The following SDHD variants were observed in gnomAD, a reference collection of about 807,000 sequenced individuals.
SDHD encodes succinate dehydrogenase [ubiquinone] cytochrome b small subunit, mitochondrial.
In SDHD, 6 loss-of-function variants were observed where a neutral mutation model predicts 18.7. That is an observed-to-expected ratio of 0.32 (90% CI 0.18 to 0.63). The LOEUF (loss-of-function observed/expected upper bound fraction) is 0.63, where lower values mean the gene tolerates loss of function less well. SDHD is among the 30% of genes least tolerant of loss of function. The probability of loss-of-function intolerance (pLI) is 0.79; values close to 1 mark genes in which losing one functional copy is unlikely to be tolerated. For missense variants in SDHD, 160 were observed against 192.7 expected (o/e 0.83, Z 1.00); for synonymous variants, 56 against 73.9 (o/e 0.76, Z 1.24).
chr11:112,089,879 T>G (rs1730210692), intron 3 of SDHD, among the ~76,000 whole-genome samples: 1 of 152,138 alleles, frequency 6.6e-6, no homozygotes, highest in Non-Finnish European at 1.5e-5. Context: ...TATATAGTAA[T>G]TGCTTCCTTG....
At chr11:112,089,197 C>T (rs901920373) in intron 3 of SDHD, 186 bp downstream of exon 3, 4 of 632,382 alleles carry the variant, frequency 6.3e-6, no homozygotes, top group African/African-American at 5.5e-5. Context: ...TCTTTCAATT[C>T]GATTTCCGTA....
intron 3 of SDHD, among the ~76,000 whole-genome samples, chr11:112,090,023 T>C (rs1865714591): frequency 6.6e-6 from 1 of 152,196 alleles, no homozygotes; most frequent in Non-Finnish European, 1.5e-5. Flanking sequence ...CTCTAGAGCC[T>C]AGAACTACTC....
intron 1 of SDHD, among the ~76,000 whole-genome samples, chr11:112,087,359 C>G (rs1865633481): frequency 6.6e-6 from 1 of 152,008 alleles, no homozygotes; most frequent in Admixed American, 6.6e-5. Flanking sequence ...GGGATCAGTT[C>G]GAAAATCATT....
chr11:112,093,839 A>G (rs1055283151), intron 3 of SDHD, among the ~76,000 whole-genome samples: 7 of 152,096 alleles, frequency 4.6e-5, no homozygotes, highest in African/African-American at 1.7e-4. Context: ...CTTCCTTTCT[A>G]AAGTGTTTCT....
chr11:112,087,133 C>T (rs1409410476), intron 1 of SDHD, among the ~76,000 whole-genome samples, 174 bp downstream of exon 1: 4 of 152,194 alleles, frequency 2.6e-5, no homozygotes, highest in Non-Finnish European at 5.9e-5. Context: ...GTATATTTCA[C>T]TTGCTGTGAG....
rs1816488984 is a variant in SDHD, at chr11:112,095,707, A to G, written c.*737A>G. 1 of 218,572 alleles carries G rather than the reference A, an allele frequency of 4.6e-6. No individual in the cohort carries two copies. Among genetic ancestry groups the G allele is most frequent in the African/African-American group, 2.2e-5 (1 of 44,566 alleles). 13.5% of individuals were successfully genotyped at this position (218,572 alleles called of 1,614,324 possible). On this transcript the variant is annotated 3_prime_UTR_variant, in exon 4 of 4. Transcript: ENST00000375549. ...AGTAATAAATTGTTATTTTCGCACA[A>G]TGGGAATCTCTAATGTGAAAATGTA...
chr11:112,094,273 C>T (rs1865799534), intron 3 of SDHD, among the ~76,000 whole-genome samples: 1 of 152,066 alleles, frequency 6.6e-6, no homozygotes, highest in South Asian at 2.1e-4. Flanking sequence ...TGGTGGGCGC[C>T]TGTAGTCCCA....
In SDHD at chr11:112,088,059, C is replaced by A. The variant is rs1030985203; in HGVS notation, c.169+86C>A. 4 of 931,354 alleles carry A rather than the reference C, an allele frequency of 4.3e-6. No individual in the cohort carries two copies. The African/African-American group carries it at 6.5e-5, about 15-fold the overall frequency. 57.7% of individuals were successfully genotyped at this position (931,354 alleles called of 1,614,324 possible). A position where few individuals can be genotyped will look rare whatever the true frequency, so the allele number is the denominator to read the frequency against. On this transcript the variant is annotated intron_variant, in intron 2 of 3. Transcript: ENST00000375549. ...TCATGCCTTTAGCAGGACTTCCTAC[C>A]TGTAGGGGGGACTCTTGTGTCCAAC...
At chr11:112,092,023 G>C (rs934864206) in intron 3 of SDHD, among the ~76,000 whole-genome samples, 2 of 152,146 alleles carry the variant, frequency 1.3e-5, no homozygotes, top group African/African-American at 2.4e-5. Context: ...AGCCAAGATC[G>C]TGCCACTGCA....
chr11:112,089,434 G>A (rs765533630), intron 3 of SDHD, among the ~76,000 whole-genome samples: 5 of 152,166 alleles, frequency 3.3e-5, no homozygotes, highest in Non-Finnish European at 5.9e-5. Flanking sequence ...CAGTGATCCT[G>A]TTAAAATGTT....
chr11:112,093,324 C>T (rs1376984205), intron 3 of SDHD: 2 of 207,928 alleles, frequency 9.6e-6, no homozygotes, highest in African/African-American at 2.4e-5. Flanking sequence ...CTTCACCCAC[C>T]CAAAGTGCTG....
rs750080041 is a variant in SDHD, at chr11:112,086,945, C to T, written c.38C>T (p.Ala13Val). The T allele has an allele frequency of 1.1e-5, 18 of 1,614,006 alleles. 1 individual carries two copies. In the South Asian group the frequency reaches 2.0e-4, roughly 18 times the overall value. Residue 13 changes from alanine to valine, a missense_variant, in exon 1 of 4, where the codon GCC (alanine) becomes GTC (valine). By Grantham distance (64) the Ala-to-Val change is moderately conservative (BLOSUM62 0). Coordinates refer to ENST00000375549, the MANE Select transcript of SDHD (RefSeq NM_003002.4). ...TGGAGGCTGAGTGCCGTTTGCGGTG[C>T]CCTAGGAGGCCGAGGTGAGGGGTCT... is the stretch of plus-strand genomic sequence containing the variant. ...VLWRLSAVCG[A>V]LGGRALLLRT...
At chr11:112,088,638 A>G in intron 2 of SDHD, 2 of 594,130 alleles carry the variant, frequency 3.4e-6, no homozygotes. Context: ...ATCAATATGT[A>G]GGCATTGAGA....
At chr11:112,090,983 A>T (rs963442922) in intron 3 of SDHD, 6 of 418,798 alleles carry the variant, frequency 1.4e-5, no homozygotes, top group African/African-American at 1.3e-4. Context: ...GGTGTGAACC[A>T]CCGTGCCCAG....
At chr11:112,094,330 G>A (rs979343422) in intron 3 of SDHD, among the ~76,000 whole-genome samples, 5 of 151,812 alleles carry the variant, frequency 3.3e-5, no homozygotes, top group African/African-American at 4.8e-5. Context: ...CCCGGGAGGC[G>A]GAGGTTGTAG....
intron 3 of SDHD, among the ~76,000 whole-genome samples, chr11:112,091,832 G>A (rs1260012215): frequency 6.6e-6 from 1 of 152,232 alleles, no homozygotes; most frequent in African/African-American, 2.4e-5. Flanking sequence ...ACTTTGGGAG[G>A]CCGAGGCGGG....
intron 3 of SDHD, 141 bp downstream of exon 3, chr11:112,089,152 T>G: frequency 1.3e-6 from 1 of 788,796 alleles, no homozygotes; most frequent in Admixed American, 2.5e-5. Context: ...AATATGTATA[T>G]GCCTAGATTT....
chr11:112,093,202 C>T, intron 3 of SDHD: 1 of 335,170 alleles, frequency 3.0e-6, no homozygotes, highest in Non-Finnish European at 5.9e-6. Flanking sequence ...AAGTAGCTGG[C>T]ATTACAGGCA....
intron 2 of SDHD, 110 bp downstream of exon 2, chr11:112,088,083 A>C (rs535806270): frequency 1.2e-6 from 1 of 821,736 alleles, no homozygotes; most frequent in East Asian, 2.4e-5. Flanking sequence ...CTTGTGTCCA[A>C]CTTTGTCAAA....
Sources: gnomAD v4.1 joint callset for allele counts (sites outside exome capture counted in the v4.1 genomes callset) on GRCh38, gnomAD v4.1.1 for gene constraint, MANE v1.5 for transcripts, NCBI Gene and HGNC (gene_info 2026-07-23, HGNC 2026-07-21) for gene names.